BPNT1: variants seen among roughly 807,000 people sequenced by gnomAD.
BPNT1 encodes 3'(2'),5'-bisphosphate nucleotidase 1.
BPNT1 carries 28 observed loss-of-function variants against 36.9 expected under a neutral mutation model. The observed-to-expected ratio is 0.76, with a 90% CI of 0.56 to 1.04. The LOEUF is 1.04. Among genes scored for constraint, BPNT1 ranks in the 50% least tolerant of loss-of-function variants. The pLI, the probability that BPNT1 is intolerant of heterozygous loss-of-function variation, is 0.00. For missense variants in BPNT1, 313 were observed against 372.9 expected (o/e 0.84, Z 1.32); for synonymous variants, 119 against 130.9 (o/e 0.91, Z 0.62).
intron 7 of BPNT1, 149 bp from the exon 8 acceptor site, chr1:220,059,940 C>T (rs984405599): frequency 1.6e-5 from 9 of 569,918 alleles, no homozygotes; most frequent in Admixed American, 7.4e-5. Flanking sequence ...AAGCTTTTAG[C>T]AGGTTTAAAT....
chr1:220,067,906 G>C (rs1208367195), intron 5 of BPNT1, among the ~76,000 whole-genome samples: 1 of 152,108 alleles, frequency 6.6e-6, no homozygotes, highest in Non-Finnish European at 1.5e-5. Flanking sequence ...TGGGGGACAA[G>C]ACCTAAATAA....
chr1:220,072,937 C>T lies in BPNT1; in HGVS notation c.246G>A (p.Val82=). The T allele has an allele frequency of 6.2e-7, 1 of 1,614,040 alleles. No individual in the cohort carries two copies. The highest frequency in any genetic ancestry group is 2.2e-5 in the East Asian group (1 of 44,862). The change falls in exon 4 of 9, where the codon GTG becomes GTA. Residue 82 remains valine, a synonymous_variant. Transcript: ENST00000322067. ...GACTGTCTTCAATCAGCTCTTGATC[C>T]ACTTCCTCAGAAGGCAGATCCTAAA... The part of the protein sequence containing the change: ...IGEEDLPSEE[V]DQELIEDSQW...
intron 6 of BPNT1, 110 bp downstream of exon 6, chr1:220,067,192 G>A (rs1478442663): frequency 1.5e-5 from 6 of 404,570 alleles, no homozygotes; most frequent in Admixed American, 4.3e-5. Context: ...TTCCCCAGAT[G>A]ATTGCATATG....
In BPNT1 at chr1:220,062,838, G is replaced by A. The variant is rs1663177204; in HGVS notation, c.591C>T (p.Ser197=). The change falls in exon 7 of 9, where the codon TCC becomes TCT. Residue 197 remains serine (S), a synonymous_variant. Transcript: ENST00000322067. ...AGKHIITTTR[S]HSNKLVTDCV... is the part of the protein sequence containing the mutation. Reference sequence around the variant, plus strand: ...AGTCAGTAACCAACTTGTTGCTATGGGATCGAGTAGTTGTGATAATGTGTT... The same window carrying A: ...AGTCAGTAACCAACTTGTTGCTATGAGATCGAGTAGTTGTGATAATGTGTT... 2 of 1,614,130 alleles carry A rather than the reference G, an allele frequency of 1.2e-6. No homozygotes were observed. The highest frequency in any genetic ancestry group is 1.7e-6 in the Non-Finnish European group (2 of 1,180,022).
chr1:220,071,523 T>C (rs1664055617), intron 4 of BPNT1, among the ~76,000 whole-genome samples: 1 of 152,272 alleles, frequency 6.6e-6, no homozygotes, highest in South Asian at 2.1e-4. Context: ...GGCTGTAAGG[T>C]ACATGTAAAA....
chr1:220,071,546 G>C (rs182584368), intron 4 of BPNT1, among the ~76,000 whole-genome samples: 25 of 152,222 alleles, frequency 1.6e-4, no homozygotes, highest in Admixed American at 1.4e-3. Context: ...GCACAAGGTA[G>C]GAACAAAGTA....
At chr1:220,063,017 T>C in intron 6 of BPNT1, 63 bp from the exon 7 acceptor site, 2 of 1,527,732 alleles carry the variant, frequency 1.3e-6, no homozygotes, top group Non-Finnish European at 1.8e-6. Flanking sequence ...AGCCCATAAA[T>C]GGAATATTCA....
chr1:220,067,491 T>C (rs905231931), intron 5 of BPNT1, 98 bp from the exon 6 acceptor site: 23 of 736,054 alleles, frequency 3.1e-5, no homozygotes, highest in Non-Finnish European at 5.1e-5. Flanking sequence ...AGTTAAGGTA[T>C]GGAATTTGCA....
chr1:220,057,694 C>A lies in BPNT1; in HGVS notation c.*1150G>T. On this transcript the variant is annotated 3_prime_UTR_variant, in exon 9 of 9. Coordinates refer to ENST00000322067, the MANE Select transcript of BPNT1 (RefSeq NM_006085.6). ...AAGTCGAGAATGTATAATTTTCAAA[C>A]ACTTTTTTAAAAAGCTGGTGAATAA... 2.2e-6 allele frequency: 1 copy of A among 444,778 alleles called. No individual in the cohort carries two copies. Among genetic ancestry groups the A allele is most frequent in the Non-Finnish European group, 4.1e-6 (1 of 244,368 alleles). The allele number at this position is 444,778 out of a possible 1,614,324, so 27.6% of individuals were successfully genotyped here.
In BPNT1 at chr1:220,058,898, A is replaced by G. The variant is rs1558072474; in HGVS notation, c.873T>C (p.Tyr291=). 3.1e-6 allele frequency: 5 copies of G among 1,614,026 alleles called. No individual in the cohort carries two copies. Among genetic ancestry groups the G allele is most frequent in the Non-Finnish European group, 4.2e-6 (5 of 1,179,986 alleles). Residue 291 remains tyrosine, a synonymous_variant, in exon 9 of 9, where the codon TAT becomes TAC. Transcript: ENST00000322067. The stretch of plus-strand genomic sequence containing the variant: ...CTGGAACTCGGCTTGCATAGTAGTC[A>G]TAATTCCTCAGTGTGGCCAGGACTC... ...SAGVLATLRN[Y]DYYASRVPES...
At chr1:220,069,142 G>A (rs765139376) in intron 5 of BPNT1, among the ~76,000 whole-genome samples, 1 of 152,178 alleles carries the variant, frequency 6.6e-6, no homozygotes, top group Non-Finnish European at 1.5e-5. Flanking sequence ...TCTCATCTGG[G>A]AGACATTAGA....
In BPNT1 at chr1:220,062,867, C is replaced by T; in HGVS notation, c.562G>A (p.Gly188Arg). The T allele has an allele frequency of 6.2e-7, 1 of 1,614,114 alleles. No individual in the cohort carries two copies. Among genetic ancestry groups the T allele is most frequent in the Non-Finnish European group, 8.5e-7 (1 of 1,180,028 alleles). ...CGAGTAGTTGTGATAATGTGTTTCC[C>T]AGCAGGGACTTCTTTCAGCTGAAAC... is the stretch of plus-strand genomic sequence containing the variant. ...FGFQLKEVPAGKHIITTTRSH... is the reference protein window; with the variant it reads ...FGFQLKEVPARKHIITTTRSH... The change falls in exon 7 of 9, where the codon GGG (glycine) becomes AGG (arginine). Residue 188 changes from glycine to arginine, a missense_variant. Coordinates refer to ENST00000322067, the MANE Select transcript of BPNT1 (RefSeq NM_006085.6).
chr1:220,074,970 C>T (rs963517577), intron 2 of BPNT1, among the ~76,000 whole-genome samples: 3 of 149,470 alleles, frequency 2.0e-5, no homozygotes, highest in Non-Finnish European at 3.0e-5. Context: ...CTTTCAGAGC[C>T]TTATGATATG....
At chr1:220,084,609 T>G (rs983892092) in intron 1 of BPNT1, among the ~76,000 whole-genome samples, 1 of 152,228 alleles carries the variant, frequency 6.6e-6, no homozygotes, top group African/African-American at 2.4e-5. Context: ...TTATAACTTT[T>G]CATAGATATC....
chr1:220,081,903 T>G (rs145892782), intron 1 of BPNT1, among the ~76,000 whole-genome samples: 1 of 151,844 alleles, frequency 6.6e-6, no homozygotes, highest in East Asian at 1.9e-4. Context: ...TCCCCTTCCC[T>G]TCCACAAATG....
At chr1:220,082,347 A>G (rs935354723) in intron 1 of BPNT1, among the ~76,000 whole-genome samples, 1 of 151,140 alleles carries the variant, frequency 6.6e-6, no homozygotes, top group Non-Finnish European at 1.5e-5. Context: ...CACTCGGCTA[A>G]TTTTTGTATT....
At chr1:220,085,844 C>T (rs1267117867) in intron 1 of BPNT1, among the ~76,000 whole-genome samples, 1 of 152,146 alleles carries the variant, frequency 6.6e-6, no homozygotes, top group African/African-American at 2.4e-5. Flanking sequence ...TTTACAACTG[C>T]CAAAGGGCTA....
At chr1:220,059,412 C>CA (rs201684232) in intron 8 of BPNT1, among the ~76,000 whole-genome samples, 6,376 of 106,438 alleles carry the variant, frequency 0.06, 175 homozygotes, top group East Asian at 0.15. Flanking sequence ...GACCCTGTGT[C>CA]AAAAAAAAAA....
intron 1 of BPNT1, among the ~76,000 whole-genome samples, chr1:220,080,475 G>A (rs938239659): frequency 6.6e-6 from 1 of 152,166 alleles, no homozygotes; most frequent in African/African-American, 2.4e-5. Flanking sequence ...AGGTTGAATT[G>A]ACTCACAGTT....
Sources: allele counts gnomAD v4.1 joint callset (sites outside exome capture counted in the v4.1 genomes callset), GRCh38; gene constraint gnomAD v4.1.1; transcripts MANE v1.5; gene names NCBI Gene and HGNC (gene_info 2026-07-23, HGNC 2026-07-21).